The following PRR5L variants were observed in gnomAD, a reference collection of about 807,000 sequenced individuals.
PRR5L encodes the protein proline rich 5 like, also known as proline-rich protein 5-like.
Under a neutral mutation model 36.4 loss-of-function variants are expected in PRR5L, and 21 were observed. The observed-to-expected ratio is 0.58, with a 90% CI of 0.41 to 0.83. The LOEUF (loss-of-function observed/expected upper bound fraction) is 0.83, where lower values mean the gene tolerates loss of function less well. Ranked by LOEUF, PRR5L falls within the 40% of genes least tolerant of loss-of-function variation. PRR5L has a pLI of 0.00. For missense variants in PRR5L, 381 were observed against 473.3 expected, an observed-to-expected ratio of 0.80 and a Z score of 1.81; for synonymous variants, 188 against 197.0, an observed-to-expected ratio of 0.95 and a Z score of 0.38.
At chr11:36,399,346 C>T (rs529809773) in intron 1 of PRR5L, among the ~76,000 whole-genome samples, 63 of 152,320 alleles carry the variant, frequency 4.1e-4, no homozygotes, top group Non-Finnish European at 6.9e-4. Context: ...TTTTCTGCCT[C>T]TTCGTATTAC....
intron 5 of PRR5L, among the ~76,000 whole-genome samples, chr11:36,432,154 TTTTTTTTTGTTTTG>T (rs200062216): frequency 0.31 from 1,754 of 5,656 alleles, 25 homozygotes; most frequent in African/African-American, 0.34. Context: ...TTGTTCAGGG[TTTTTTTTTGTTTTG>T]TTTTTGTTTT....
At chr11:36,455,266 G>C (rs530325621) in intron 8 of PRR5L, 1 of 152,632 alleles carries the variant, frequency 6.6e-6, no homozygotes, top group Non-Finnish European at 1.5e-5. Flanking sequence ...CGGTCGCTCC[G>C]GTGGGGCCTG....
chr11:36,441,289 A>T (rs1858717619), intron 6 of PRR5L, among the ~76,000 whole-genome samples: 1 of 152,226 alleles, frequency 6.6e-6, no homozygotes, highest in African/African-American at 2.4e-5. Flanking sequence ...TACTTATAAG[A>T]TACAATGGTG....
intron 1 of PRR5L, among the ~76,000 whole-genome samples, chr11:36,327,648 T>C (rs980935128): frequency 2.6e-5 from 4 of 152,230 alleles, no homozygotes; most frequent in African/African-American, 9.7e-5. Flanking sequence ...TAGAAATCAC[T>C]GGTCATCTAT....
intron 1 of PRR5L, among the ~76,000 whole-genome samples, chr11:36,314,143 A>T (rs1464055663): frequency 6.6e-6 from 1 of 152,170 alleles, no homozygotes; most frequent in Admixed American, 6.5e-5. Flanking sequence ...CCCTGTAATG[A>T]GTCTTTTCGT....
intron 1 of PRR5L, among the ~76,000 whole-genome samples, chr11:36,304,068 G>A (rs982984191): frequency 2.6e-5 from 4 of 152,112 alleles, no homozygotes; most frequent in African/African-American, 9.7e-5. Context: ...GAGGGTCCTC[G>A]CAGCATCCTC....
chr11:36,445,384 G>A (rs1211867797), intron 6 of PRR5L, among the ~76,000 whole-genome samples: 1 of 152,178 alleles, frequency 6.6e-6, no homozygotes, highest in African/African-American at 2.4e-5. Context: ...TTGAAACCCT[G>A]CTCTACTTTG....
rs531247014 is a variant in PRR5L at position 36,346,846 on chromosome 11, C to G, written c.-126+50408C>G. Reference sequence around the variant, plus strand: ...AGGCAAACAGCTTTTTGTAAAGAGCCAAATAGTAAATATTGTAGGCTTTGT... The same window carrying G: ...AGGCAAACAGCTTTTTGTAAAGAGCGAAATAGTAAATATTGTAGGCTTTGT... On this transcript the variant is annotated intron_variant, in intron 1 of 8. Coordinates refer to ENST00000530639, the MANE Select transcript of PRR5L (RefSeq NM_001160167.2). Among the ~76,000 whole-genome samples the G allele has an allele frequency of 3.3e-5, 5 of 152,210 alleles. No homozygotes were observed. In the East Asian group the frequency reaches 9.6e-4, roughly 29 times the overall value.
At chr11:36,340,453 A>G (rs1471685155) in intron 1 of PRR5L, among the ~76,000 whole-genome samples, 1 of 152,192 alleles carries the variant, frequency 6.6e-6, no homozygotes, top group Non-Finnish European at 1.5e-5. Flanking sequence ...CAGAGTGCGC[A>G]TGCATATAAC....
At chr11:36,370,418 G>A (rs1308656138) in intron 1 of PRR5L, among the ~76,000 whole-genome samples, 1 of 152,070 alleles carries the variant, frequency 6.6e-6, no homozygotes, top group South Asian at 2.1e-4. Flanking sequence ...TCTCCTTTAT[G>A]CATTTGTTTC....
chr11:36,418,685 A>G (rs575045611), intron 3 of PRR5L, among the ~76,000 whole-genome samples: 1 of 151,978 alleles, frequency 6.6e-6, no homozygotes, highest in South Asian at 2.1e-4. Flanking sequence ...GGTCCCAGCT[A>G]CTCGGGAGGC....
intron 1 of PRR5L, among the ~76,000 whole-genome samples, chr11:36,355,751 T>C (rs1456115830): frequency 6.6e-6 from 1 of 151,500 alleles, no homozygotes; most frequent in Non-Finnish European, 1.5e-5. Context: ...TTAGTAGAAA[T>C]AGGGTTTCAC....
intron 1 of PRR5L, among the ~76,000 whole-genome samples, chr11:36,319,481 G>A (rs2133462314): frequency 6.6e-6 from 1 of 152,328 alleles, no homozygotes; most frequent in East Asian, 1.9e-4. Flanking sequence ...GATAGTAAGG[G>A]CTTTAGGCTT....
At chr11:36,353,114 C>T (rs1856992331) in intron 1 of PRR5L, among the ~76,000 whole-genome samples, 2 of 152,176 alleles carry the variant, frequency 1.3e-5, no homozygotes, top group South Asian at 4.1e-4. Flanking sequence ...CTGTCACCCA[C>T]ATTGTAGGAT....
intron 2 of PRR5L, 36 bp from the exon 3 acceptor site, chr11:36,403,262 G>A: frequency 1.3e-6 from 2 of 1,589,852 alleles, no homozygotes; most frequent in Non-Finnish European, 1.7e-6. Flanking sequence ...CAAGAAGGGA[G>A]ATTCTCTAAC....
At chr11:36,356,120 T>C (rs1403732942) in intron 1 of PRR5L, among the ~76,000 whole-genome samples, 1 of 150,764 alleles carries the variant, frequency 6.6e-6, no homozygotes, top group African/African-American at 2.4e-5. Flanking sequence ...CCATGTTGCC[T>C]GGGCTGGTCT....
intron 4 of PRR5L, among the ~76,000 whole-genome samples, chr11:36,429,625 G>A (rs1339903021): frequency 6.6e-6 from 1 of 152,156 alleles, no homozygotes; most frequent in Non-Finnish European, 1.5e-5. Context: ...GGGAGGGTTA[G>A]GAAAGTTGTT....
intron 1 of PRR5L, chr11:36,301,073 A>G (rs1179216619): frequency 6.6e-6 from 1 of 152,484 alleles, no homozygotes. Context: ...AGAGAAAGGT[A>G]AAGCACTGGA....
intron 1 of PRR5L, among the ~76,000 whole-genome samples, chr11:36,363,309 A>G (rs1158235731): frequency 6.6e-6 from 1 of 152,254 alleles, no homozygotes; most frequent in Non-Finnish European, 1.5e-5. Flanking sequence ...CAAGTTATTT[A>G]AAATATATTC....
Sources: allele counts gnomAD v4.1 joint callset (sites outside exome capture counted in the v4.1 genomes callset), GRCh38; gene constraint gnomAD v4.1.1; transcripts MANE v1.5; gene names NCBI Gene and HGNC (gene_info 2026-07-23, HGNC 2026-07-21).